RBFOX1: variants seen among roughly 807,000 people sequenced by gnomAD.
RBFOX1 encodes the protein RNA binding fox-1 homolog 1.
Under a neutral mutation model 57.7 loss-of-function variants are expected in RBFOX1, and 8 were observed. The observed-to-expected ratio is 0.14, with a 90% confidence interval of 0.08 to 0.25. The LOEUF (loss-of-function observed/expected upper bound fraction) is 0.25, where lower values mean the gene tolerates loss of function less well. Among genes scored for constraint, RBFOX1 ranks in the 10% least tolerant of loss-of-function variants. The pLI, the probability that RBFOX1 is intolerant of heterozygous loss-of-function variation, is 1.00. For missense variants in RBFOX1, 611 were observed against 548.5 expected (o/e 1.11, Z -1.14); for synonymous variants, 326 against 222.4 (o/e 1.47, Z -4.15).
At chr16:7,298,637 C>T (rs2095957247) in intron 4 of RBFOX1, among the ~76,000 whole-genome samples, 1 of 152,124 alleles carries the variant, frequency 6.6e-6, no homozygotes, top group African/African-American at 2.4e-5. Context: ...TATGATTAGC[C>T]CACTATCGAC....
intron 2 of RBFOX1, among the ~76,000 whole-genome samples, chr16:6,415,557 T>C (rs1297571158): frequency 1.3e-5 from 2 of 151,934 alleles, no homozygotes; most frequent in Non-Finnish European, 2.9e-5. Context: ...AAAAATTAGC[T>C]GGGCGTGGTG....
At chr16:6,287,465 A>G (rs1213543188) in intron 1 of RBFOX1, among the ~76,000 whole-genome samples, 5 of 152,174 alleles carry the variant, frequency 3.3e-5, no homozygotes, top group African/African-American at 1.2e-4. Flanking sequence ...TCATGTGTCA[A>G]AGATGATGCT....
chr16:7,238,215 G>T (rs1026452050), intron 4 of RBFOX1, among the ~76,000 whole-genome samples: 1 of 152,026 alleles, frequency 6.6e-6, no homozygotes, highest in African/African-American at 2.4e-5. Flanking sequence ...GTGTTTAATT[G>T]GTACAGAGTT....
At chr16:6,161,734 A>C (rs1008564227) in intron 1 of RBFOX1, among the ~76,000 whole-genome samples, 1 of 152,188 alleles carries the variant, frequency 6.6e-6, no homozygotes, top group Non-Finnish European at 1.5e-5. Flanking sequence ...CCTGGCTTAC[A>C]TTTGGAGAAA....
intron 3 of RBFOX1, among the ~76,000 whole-genome samples, chr16:5,682,265 G>A (rs1001003701): frequency 6.6e-6 from 1 of 152,184 alleles, no homozygotes; most frequent in Non-Finnish European, 1.5e-5. Flanking sequence ...CCTTCCCATT[G>A]TGGGAGCACC....
chr16:7,469,025 C>A (rs369147135), intron 4 of RBFOX1, among the ~76,000 whole-genome samples: 3 of 152,040 alleles, frequency 2.0e-5, no homozygotes, highest in East Asian at 3.9e-4. Flanking sequence ...GCTCCACCGC[C>A]CAGGTTCACA....
intron 2 of RBFOX1, among the ~76,000 whole-genome samples, chr16:6,610,127 G>T (rs781336048): frequency 3.3e-5 from 5 of 152,130 alleles, no homozygotes; most frequent in Non-Finnish European, 7.4e-5. Context: ...TTCAAAGTGT[G>T]TTTCATGGAC....
At chr16:7,537,621 C>T (rs2081843714) in intron 5 of RBFOX1, among the ~76,000 whole-genome samples, 1 of 152,194 alleles carries the variant, frequency 6.6e-6, no homozygotes, top group Non-Finnish European at 1.5e-5. Context: ...CTACCTGGTT[C>T]TATGAGATGC....
At chr16:5,297,234 C>G (rs1312982229) in intron 1 of RBFOX1, among the ~76,000 whole-genome samples, 1 of 152,198 alleles carries the variant, frequency 6.6e-6, no homozygotes, top group Non-Finnish European at 1.5e-5. Flanking sequence ...GCAAATATCT[C>G]TTCAACAGAC....
chr16:6,663,242 A>T (rs1254093924), intron 3 of RBFOX1, among the ~76,000 whole-genome samples: 1 of 152,174 alleles, frequency 6.6e-6, no homozygotes, highest in Non-Finnish European at 1.5e-5. Flanking sequence ...GGTGTCATGA[A>T]TGTCTCCACC....
intron 4 of RBFOX1, among the ~76,000 whole-genome samples, chr16:7,193,805 A>G (rs2086020314): frequency 6.6e-6 from 1 of 152,226 alleles, no homozygotes; most frequent in Non-Finnish European, 1.5e-5. Flanking sequence ...CCTAGAAGAT[A>G]TTATGGTAAT....
intron 2 of RBFOX1, among the ~76,000 whole-genome samples, chr16:6,587,913 C>G (rs941290447): frequency 1.3e-5 from 2 of 152,278 alleles, no homozygotes; most frequent in East Asian, 3.9e-4. Context: ...TGCCTAAAGG[C>G]TTCAACATGC....
At chr16:7,051,979 A>G in intron 3 of RBFOX1, 78 bp from the exon 4 acceptor site, 1 of 1,559,214 alleles carries the variant, frequency 6.4e-7, no homozygotes. Context: ...AGTAATTAAA[A>G]GTAACTTTCT....
At position 6,919,317 on chromosome 16, in the gene RBFOX1, A is replaced by G. The variant is rs529735258; in HGVS notation, c.-15-132740A>G. ...AGGTAATGTTTCTTGACCAATTCCTATTTATCCTGTTTACATGTATTAATT... is the reference window on the plus strand; with the variant it reads ...AGGTAATGTTTCTTGACCAATTCCTGTTTATCCTGTTTACATGTATTAATT... On this transcript the variant is annotated intron_variant, in intron 3 of 15. Transcript: ENST00000550418. Among the ~76,000 whole-genome samples, 195 of 152,122 alleles carry G rather than the reference A, an allele frequency of 1.3e-3. 1 individual carries two copies. Among genetic ancestry groups the G allele is most frequent in the African/African-American group, 4.3e-3 (180 of 41,502 alleles).
chr16:6,374,746 C>T (rs182952144), intron 2 of RBFOX1, among the ~76,000 whole-genome samples: 22 of 152,240 alleles, frequency 1.4e-4, no homozygotes, highest in East Asian at 1.2e-3. Context: ...ATTGAGTAAT[C>T]GTACATAGGT....
intron 3 of RBFOX1, among the ~76,000 whole-genome samples, chr16:6,961,402 A>G (rs1404082344): frequency 2.6e-5 from 4 of 152,214 alleles, no homozygotes; most frequent in East Asian, 1.9e-4. Flanking sequence ...GCAAATAGCC[A>G]TGAACTTGGT....
At chr16:7,237,953 C>T (rs1270860219) in intron 4 of RBFOX1, among the ~76,000 whole-genome samples, 1 of 152,130 alleles carries the variant, frequency 6.6e-6, no homozygotes, top group Non-Finnish European at 1.5e-5. Context: ...ACAGTGAGCC[C>T]ACGTCGCGTC....
intron 1 of RBFOX1, among the ~76,000 whole-genome samples, chr16:5,314,707 C>T (rs2064184338): frequency 2.0e-5 from 3 of 151,854 alleles, no homozygotes; most frequent in Admixed American, 2.0e-4. Context: ...TGTTATGTTG[C>T]CTAGGCTGGC....
intron 3 of RBFOX1, among the ~76,000 whole-genome samples, chr16:6,717,314 A>G (rs904921693): frequency 2.0e-5 from 3 of 152,134 alleles, no homozygotes; most frequent in Admixed American, 6.5e-5. Flanking sequence ...CCTTGAACTT[A>G]TCAGCTTTGT....
Sources: allele counts gnomAD v4.1 joint callset (sites outside exome capture counted in the v4.1 genomes callset), GRCh38; gene constraint gnomAD v4.1.1; transcripts MANE v1.5; gene names NCBI Gene and HGNC (gene_info 2026-07-23, HGNC 2026-07-21).